The following INPP5A variants were observed in gnomAD, a reference collection of about 807,000 sequenced individuals.
INPP5A encodes inositol polyphosphate-5-phosphatase A.
In INPP5A, 14 loss-of-function variants were observed where a neutral mutation model predicts 65.2. The observed-to-expected ratio is 0.21, with a 90% confidence interval of 0.14 to 0.34. The LOEUF is 0.34. Ranked by LOEUF, INPP5A falls within the 10% of genes least tolerant of loss-of-function variation. The pLI, the probability that INPP5A is intolerant of heterozygous loss-of-function variation, is 1.00. For synonymous variants in INPP5A, 207 were observed against 208.3 expected, an observed-to-expected ratio of 0.99 and a Z score of 0.05; for missense variants, 431 against 545.6, an observed-to-expected ratio of 0.79 and a Z score of 2.09.
At chr10:132,588,012 C>CAAAAAAAAAAAA (rs796469034) in intron 1 of INPP5A, among the ~76,000 whole-genome samples, 34 of 55,898 alleles carry the variant, frequency 6.1e-4, no homozygotes, top group Non-Finnish European at 8.5e-4. Context: ...AACTCCATCT[C>CAAAAAAAAAAAA]AAAAAAAAAA....
chr10:132,672,442 A>G (rs2072903026), intron 4 of INPP5A, among the ~76,000 whole-genome samples: 1 of 152,102 alleles, frequency 6.6e-6, no homozygotes. Context: ...GGTCTTTCCC[A>G]TGGTGTTCTC....
At chr10:132,769,808 C>T (rs12415577) in intron 12 of INPP5A, among the ~76,000 whole-genome samples, 36 of 151,686 alleles carry the variant, frequency 2.4e-4, no homozygotes, top group Admixed American at 1.3e-3. Context: ...GCTCCCCCCC[C>T]CCAAGTTCCT....
Position 132,547,962 on chromosome 10 carries a change from T to G in INPP5A, c.75+9791T>G, listed in dbSNP as rs2071000467. Among the ~76,000 whole-genome samples the G allele has an allele frequency of 6.6e-6, 1 of 151,814 alleles. No individual in the cohort carries two copies. Among genetic ancestry groups the G allele is most frequent in the South Asian group, 2.1e-4 (1 of 4,796 alleles). ...TCACCCAGGCTGGAGTACAATGGCG[T>G]GATCTCACCTCACTGCGACCTCCGC... On this transcript the variant is annotated intron_variant, in intron 1 of 15. Coordinates refer to ENST00000368594, the MANE Select transcript of INPP5A (RefSeq NM_005539.5). The surrounding 1 kb of genome is among the most constrained non-coding windows in gnomAD (Gnocchi z 5.5).
chr10:132,630,580 C>CGTCCATGAGGGGAAGAT lies in INPP5A; in HGVS notation c.118-15272_118-15271insTGTCCATGAGGGGAAGA, dbSNP rs1233946188. On this transcript the variant is annotated intron_variant, in intron 2 of 15. Coordinates refer to ENST00000368594, the MANE Select transcript of INPP5A (RefSeq NM_005539.5). Reference sequence around the variant, plus strand: ...GGGGAAGACATCCATGAGAGGAAGACGTCCATGAGGGGAAGACGTCCATGA... The same window carrying CGTCCATGAGGGGAAGAT: ...GGGGAAGACATCCATGAGAGGAAGACGTCCATGAGGGGAAGATGTCCATGAGGGGAAGACGTCCATGA... Among the ~76,000 whole-genome samples the CGTCCATGAGGGGAAGAT allele has an allele frequency of 8.2e-4, 123 of 150,430 alleles. 1 individual carries two copies. Among genetic ancestry groups the CGTCCATGAGGGGAAGAT allele is most frequent in the Admixed American group, 2.4e-3 (36 of 15,190 alleles).
rs940163469 is a variant in INPP5A at position 132,551,028 on chromosome 10, G to C, written c.75+12857G>C. Among the ~76,000 whole-genome samples the C allele has an allele frequency of 2.0e-5, 3 of 152,222 alleles. No individual in the cohort carries two copies. The highest frequency in any genetic ancestry group is 2.0e-4 in the Admixed American group (3 of 15,288). On this transcript the variant is annotated intron_variant, in intron 1 of 15. Coordinates refer to ENST00000368594, the MANE Select transcript of INPP5A (RefSeq NM_005539.5). This position sits in a 1 kb window ranked among gnomAD's most constrained non-coding sequence, Gnocchi z 5.3. ...AAAGGGGCTGCACTGTGGTCCATTT[G>C]GGCCAGTGGCTTCAGTAGCCACACG...
In INPP5A at chr10:132,727,177, CAAG is replaced by C. The variant is rs572356067; in HGVS notation, c.732+273_732+275del. The C allele has an allele frequency of 7.9e-4, 257 of 323,950 alleles. No individual in the cohort carries two copies. Among genetic ancestry groups the C allele is most frequent in the African/African-American group, 3.5e-3 (165 of 47,156 alleles). 20.1% of individuals were successfully genotyped at this position (323,950 alleles called of 1,614,324 possible). A position where few individuals can be genotyped will look rare whatever the true frequency, so the allele number is the denominator to read the frequency against. ...CCCTGTGGCTTCCGCCGTCGGCACA[CAAG>C]GAGCTGCTGGAGTGCCGTCACAGCG... On this transcript the variant is annotated intron_variant, in intron 9 of 15. Coordinates refer to ENST00000368594, the MANE Select transcript of INPP5A (RefSeq NM_005539.5). This position sits in a 1 kb window ranked among gnomAD's most constrained non-coding sequence, Gnocchi z 6.5.
At chr10:132,699,265 G>C (rs1359837874) in intron 6 of INPP5A, among the ~76,000 whole-genome samples, 1 of 151,516 alleles carries the variant, frequency 6.6e-6, no homozygotes, top group Non-Finnish European at 1.5e-5. Flanking sequence ...GAGCCTGCGA[G>C]CTGAACTCTG....
At position 132,650,487 on chromosome 10, in the gene INPP5A, A is replaced by T. The variant is rs1483019401; in HGVS notation, c.288A>T (p.Lys96Asn). The change falls in exon 4 of 16, where the codon AAA (lysine) becomes AAT (asparagine). Residue 96 changes from lysine to asparagine, a missense_variant. Coordinates refer to ENST00000368594, the MANE Select transcript of INPP5A (RefSeq NM_005539.5). The surrounding 1 kb of genome is among the most constrained non-coding windows in gnomAD (Gnocchi z 5.5). The part of the protein sequence containing the change: ...RARVYLDENY[K>N]SQEHFTALGS... ...GAGTCTACCTGGATGAAAACTACAA[A>T]TCCCAGGAGCACTTCACGGTGAGTC... is the stretch of plus-strand genomic sequence containing the variant. The T allele has an allele frequency of 6.2e-7, 1 of 1,612,790 alleles. No homozygotes were observed. The highest frequency in any genetic ancestry group is 1.7e-5 in the Admixed American group (1 of 59,992).
At position 132,594,700 on chromosome 10, in the gene INPP5A, G is replaced by A. The variant is rs1021636745; in HGVS notation, c.76-13215G>A. On this transcript the variant is annotated intron_variant, in intron 1 of 15. Coordinates refer to ENST00000368594, the MANE Select transcript of INPP5A (RefSeq NM_005539.5). ...GTGGTGGGTGTGTGTGTGCCTGCACGTGTGTGGCATGTGTGTTTGGGTGGT... is the reference window on the plus strand; with the variant it reads ...GTGGTGGGTGTGTGTGTGCCTGCACATGTGTGGCATGTGTGTTTGGGTGGT... Among the ~76,000 whole-genome samples, 8 of 152,202 alleles carry A rather than the reference G, an allele frequency of 5.3e-5. No individual in the cohort carries two copies. In the South Asian group the frequency reaches 1.2e-3, roughly 24 times the overall value.
At position 132,668,867 on chromosome 10, in the gene INPP5A, C is replaced by T. The variant is rs1344692110; in HGVS notation, c.306+18362C>T. Among the ~76,000 whole-genome samples, 5 of 152,116 alleles carry T rather than the reference C, an allele frequency of 3.3e-5. No homozygotes were observed. The East Asian group carries it at 5.8e-4, about 18-fold the overall frequency. ...TCCATCGCACGACCACCACTGCTGG[C>T]GTTTATTGAGCGTGTACTGCTTGTG... On this transcript the variant is annotated intron_variant, in intron 4 of 15. Transcript: ENST00000368594.
intron 1 of INPP5A, among the ~76,000 whole-genome samples, chr10:132,573,376 T>G (rs1163186637): frequency 3.8e-5 from 5 of 132,430 alleles, no homozygotes; most frequent in African/African-American, 9.2e-5. Context: ...GTGTGCCGTG[T>G]GAGGTTTTGT....
At chr10:132,673,812 A>G (rs2072926426) in intron 4 of INPP5A, among the ~76,000 whole-genome samples, 2 of 152,252 alleles carry the variant, frequency 1.3e-5, no homozygotes, top group African/African-American at 2.4e-5. Flanking sequence ...AAGAGGTCCA[A>G]TATAATCAAC....
intron 13 of INPP5A, among the ~76,000 whole-genome samples, chr10:132,779,728 C>T (rs1847126318): frequency 6.6e-6 from 1 of 152,254 alleles, no homozygotes; most frequent in Non-Finnish European, 1.5e-5. Context: ...GCAGGACAAG[C>T]AGACGGGCGC....
At chr10:132,673,216 G>A (rs542565350) in intron 4 of INPP5A, among the ~76,000 whole-genome samples, 2 of 152,160 alleles carry the variant, frequency 1.3e-5, no homozygotes, top group Non-Finnish European at 1.5e-5. Flanking sequence ...CCAGTTCAGT[G>A]GGATTGCTGT....
chr10:132,657,326 C>T (rs1440378915), intron 4 of INPP5A, among the ~76,000 whole-genome samples: 3 of 152,258 alleles, frequency 2.0e-5, no homozygotes, highest in Non-Finnish European at 2.9e-5. Flanking sequence ...CAAGCACTGC[C>T]ATGGTGGACT....
intron 1 of INPP5A, among the ~76,000 whole-genome samples, chr10:132,542,774 G>A (rs1456136529): frequency 6.6e-6 from 1 of 152,144 alleles, no homozygotes; most frequent in African/African-American, 2.4e-5. Flanking sequence ...GACAGAATTC[G>A]CACACCATGC....
At chr10:132,654,564 G>A (rs1373315216) in intron 4 of INPP5A, among the ~76,000 whole-genome samples, 1 of 152,194 alleles carries the variant, frequency 6.6e-6, no homozygotes, top group Non-Finnish European at 1.5e-5. Flanking sequence ...GGCAGAGCTG[G>A]GCAGCAGCGG....
chr10:132,754,330 A>G (rs141386941), intron 11 of INPP5A, among the ~76,000 whole-genome samples: 2,698 of 152,346 alleles, frequency 0.018, 41 homozygotes, highest in South Asian at 0.039. Flanking sequence ...CCCGTGTCCA[A>G]TGAGGATGGA....
At chr10:132,720,235 T>A (rs1390231364) in intron 8 of INPP5A, among the ~76,000 whole-genome samples, 1 of 150,472 alleles carries the variant, frequency 6.6e-6, no homozygotes, top group Non-Finnish European at 1.5e-5. Flanking sequence ...CTGGGCACCT[T>A]AGACGGCTGT....
Sources: allele counts gnomAD v4.1 joint callset (sites outside exome capture counted in the v4.1 genomes callset), GRCh38; gene constraint gnomAD v4.1.1; non-coding constraint Gnocchi (gnomAD v3.1); transcripts MANE v1.5; gene names NCBI Gene and HGNC (gene_info 2026-07-23, HGNC 2026-07-21).